Variants in ATXN7 observed in about 807,000 individuals in gnomAD.
ATXN7 encodes ataxin 7.
ATXN7 carries 12 observed loss-of-function variants against 70.5 expected under a neutral mutation model. That is an observed-to-expected ratio of 0.17 (90% CI 0.11 to 0.28). ATXN7 has a LOEUF of 0.28. Ranked by LOEUF, ATXN7 falls within the 10% of genes least tolerant of loss-of-function variation. The probability of loss-of-function intolerance (pLI) is 1.00; values close to 1 mark genes in which losing one functional copy is unlikely to be tolerated. For synonymous variants in ATXN7, 498 were observed against 448.7 expected (o/e 1.11, Z -1.39); for missense variants, 1,256 against 1,131.7 (o/e 1.11, Z -1.58).
chr3:63,966,127 TA>T (rs752254322), intron 5 of ATXN7, among the ~76,000 whole-genome samples: 2 of 152,142 alleles, frequency 1.3e-5, no homozygotes, highest in African/African-American at 2.4e-5. Flanking sequence ...AATCACTGTG[TA>T]CGAAAGGGAA....
At chr3:63,900,678 C>G (rs140808816) in intron 2 of ATXN7, 6 of 152,396 alleles carry the variant, frequency 3.9e-5, no homozygotes, top group Middle Eastern at 6.8e-3. Context: ...CTCTTTAGTG[C>G]CTGTTTATGG....
At position 63,886,476 on chromosome 3, in the gene ATXN7, A is replaced by G. The variant is rs144076721; in HGVS notation, c.-110-11923A>G. On this transcript the variant is annotated intron_variant, in intron 1 of 12. Transcript: ENST00000674280. Reference sequence around the variant, plus strand: ...AATTATTTTATAATATATACATAAAAGATCATATTTACACTGTACAATTTT... The same window carrying G: ...AATTATTTTATAATATATACATAAAGGATCATATTTACACTGTACAATTTT... Among the ~76,000 whole-genome samples, 109 of 152,350 alleles carry G rather than the reference A, an allele frequency of 7.2e-4. No individual in the cohort carries two copies. In the East Asian group the frequency reaches 0.018, roughly 25 times the overall value.
Position 63,995,609 on chromosome 3 carries a change from C to T in ATXN7, c.1787C>T (p.Ala596Val). 2 of 1,614,224 alleles carry T rather than the reference C, an allele frequency of 1.2e-6. No individual in the cohort carries two copies. The highest frequency in any genetic ancestry group is 1.1e-5 in the South Asian group (1 of 91,082). ...CAATGTGGAGTCAGCTATCTGGCAGCAGCCACCGTCTCTACATCCCCAGTC... is the reference window on the plus strand; with the variant it reads ...CAATGTGGAGTCAGCTATCTGGCAGTAGCCACCGTCTCTACATCCCCAGTC... Reference protein sequence around the residue: ...TSQCGVSYLAAATVSTSPVLL... With the variant: ...TSQCGVSYLAVATVSTSPVLL... The change falls in exon 12 of 13, where the codon GCA becomes GTA. Residue 596 changes from alanine (A) to valine (V), a missense_variant. Ala to Val is a moderately conservative substitution (Grantham distance 64). Transcript: ENST00000674280.
intron 4 of ATXN7, among the ~76,000 whole-genome samples, chr3:63,928,022 G>A (rs1704783830): frequency 6.6e-6 from 1 of 152,142 alleles, no homozygotes; most frequent in South Asian, 2.1e-4. Context: ...CATTGTGGTT[G>A]TAGTTACGCT....
At chr3:63,920,588 AT>A (rs537299196) in intron 4 of ATXN7, among the ~76,000 whole-genome samples, 1 of 152,002 alleles carries the variant, frequency 6.6e-6, no homozygotes, top group Admixed American at 6.6e-5. Flanking sequence ...ACCAAAAGCC[AT>A]TTTTTTTAAG....
rs188374703 is a variant in ATXN7 at position 63,896,028 on chromosome 3, G to A, written c.-110-2371G>A. On this transcript the variant is annotated intron_variant, in intron 1 of 12. Transcript: ENST00000674280. ...TAAGAAGAACACATTGACTGTCTCAGTTTGTGTCGTGTGTCCAGCTTTGAC... is the reference window on the plus strand; with the variant it reads ...TAAGAAGAACACATTGACTGTCTCAATTTGTGTCGTGTGTCCAGCTTTGAC... 1.1e-4 allele frequency among the ~76,000 whole-genome samples: 17 copies of A among 152,186 alleles called. No individual in the cohort carries two copies. The East Asian group carries it at 3.3e-3, about 29-fold the overall frequency.
In ATXN7 at chr3:64,003,205, C is replaced by CTTTTTTTTTTTTT. The variant is rs754267860; in HGVS notation, c.*3750_*3762dup. The CTTTTTTTTTTTTT allele has an allele frequency of 1.9e-4, 14 of 75,528 alleles. No homozygotes were observed. The highest frequency in any genetic ancestry group is 8.6e-4 in the East Asian group (2 of 2,322). The allele number at this position is 75,528 out of a possible 1,614,324, so 4.7% of individuals were successfully genotyped here. A position where few individuals can be genotyped will look rare whatever the true frequency, so the allele number is the denominator to read the frequency against. On this transcript the variant is annotated 3_prime_UTR_variant, in exon 13 of 13. Transcript: ENST00000674280. Reference sequence around the variant, plus strand: ...AATGTAGGGCCTTGAAAGCATTTTGCTTTTTTTTTTTTTTTTTTTTTTTTG... The same window carrying CTTTTTTTTTTTTT: ...AATGTAGGGCCTTGAAAGCATTTTGCTTTTTTTTTTTTTTTTTTTTTTTTTTTTTTTTTTTTTG...
chr3:63,932,314 A>G (rs1172588205), intron 4 of ATXN7, among the ~76,000 whole-genome samples: 1 of 152,260 alleles, frequency 6.6e-6, no homozygotes, highest in Non-Finnish European at 1.5e-5. Flanking sequence ...GTTAAGAGTC[A>G]GAAGTAGGCC....
At position 63,999,362 on chromosome 3, in the gene ATXN7, G is replaced by A; in HGVS notation, c.2662-88G>A. Reference sequence around the variant, plus strand: ...GAGACTTTAGTAGCGTGCAGCCTTTGGAATATTCTTGTTTAGAATCAATAG... The same window carrying A: ...GAGACTTTAGTAGCGTGCAGCCTTTAGAATATTCTTGTTTAGAATCAATAG... On this transcript the variant is annotated intron_variant, in intron 12 of 12. Transcript: ENST00000674280. The A allele has an allele frequency of 1.8e-6, 2 of 1,105,442 alleles. 1 individual carries two copies. The highest frequency in any genetic ancestry group is 2.6e-5 in the South Asian group (2 of 78,094). The allele number at this position is 1,105,442 out of a possible 1,614,324, so 68.5% of individuals were successfully genotyped here. A position where few individuals can be genotyped will look rare whatever the true frequency, so the allele number is the denominator to read the frequency against.
intron 4 of ATXN7, among the ~76,000 whole-genome samples, chr3:63,914,196 T>C (rs1704170690): frequency 1.3e-5 from 2 of 152,234 alleles, no homozygotes; most frequent in African/African-American, 4.8e-5. Flanking sequence ...GGTAGAACTT[T>C]GGCAACTGGA....
intron 4 of ATXN7, among the ~76,000 whole-genome samples, chr3:63,914,559 A>G (rs780528111): frequency 7.2e-5 from 11 of 152,184 alleles, no homozygotes; most frequent in Non-Finnish European, 1.6e-4. Context: ...AATTAAAATC[A>G]CTAGGTGGCA....
chr3:63,876,622 A>G (rs2062140610), intron 1 of ATXN7, among the ~76,000 whole-genome samples: 1 of 152,206 alleles, frequency 6.6e-6, no homozygotes, highest in Admixed American at 6.5e-5. Flanking sequence ...TCAGTACTAT[A>G]AATGGCACTA....
At chr3:63,867,543 G>A (rs1431112605) in intron 1 of ATXN7, among the ~76,000 whole-genome samples, 2 of 152,162 alleles carry the variant, frequency 1.3e-5, no homozygotes, top group Non-Finnish European at 2.9e-5. Context: ...AAGTAGATCT[G>A]TGTGCTCGTT....
In ATXN7 at chr3:63,997,901, G is replaced by C. The variant is rs143124299; in HGVS notation, c.2661+1418G>C. The C allele has an allele frequency of 3.0e-5, 30 of 985,390 alleles. No homozygotes were observed. In the East Asian group the frequency reaches 3.3e-3, roughly 108 times the overall value. The allele number at this position is 985,390 out of a possible 1,614,324, so 61.0% of individuals were successfully genotyped here. ...GAATTTAACTAGCTGCATGCATTAT[G>C]GGTTATTATATGTTGTTTGGCATTC... On this transcript the variant is annotated intron_variant, in intron 12 of 12. Transcript: ENST00000674280.
At position 63,870,187 on chromosome 3, in the gene ATXN7, G is replaced by C. The variant is rs912141422; in HGVS notation, c.-111+6029G>C. Among the ~76,000 whole-genome samples, 10 of 152,268 alleles carry C rather than the reference G, an allele frequency of 6.6e-5. 1 individual carries two copies. The South Asian group carries it at 1.9e-3, about 28-fold the overall frequency. Reference sequence around the variant, plus strand: ...TGACTGTGTTCCAAGAAATGTTGATGAACACTGACATTTGAATTTCATGCA... The same window carrying C: ...TGACTGTGTTCCAAGAAATGTTGATCAACACTGACATTTGAATTTCATGCA... On this transcript the variant is annotated intron_variant, in intron 1 of 12. Coordinates refer to ENST00000674280, the MANE Select transcript of ATXN7 (RefSeq NM_001377405.1).
In ATXN7 at chr3:63,912,759, C is replaced by T; in HGVS notation, c.161C>T (p.Pro54Leu). 2 of 1,333,550 alleles carry T rather than the reference C, an allele frequency of 1.5e-6. No homozygotes were observed. Among genetic ancestry groups the T allele is most frequent in the Middle Eastern group, 2.3e-4 (1 of 4,274 alleles). 82.6% of individuals were successfully genotyped at this position (1,333,550 alleles called of 1,614,324 possible). ...QPQRQQHPPP[P>L]PRRTRPEDGG... ...CAGCGGCAGCAGCACCCGCCACCGC[C>T]GCCACGGCGCACACGGCCGGAGGAC... The change falls in exon 3 of 13, where the codon CCG becomes CTG. Residue 54 changes from proline to leucine, a missense_variant. By Grantham distance (98) the Pro-to-Leu change is moderately conservative. Coordinates refer to ENST00000674280, the MANE Select transcript of ATXN7 (RefSeq NM_001377405.1).
intron 1 of ATXN7, among the ~76,000 whole-genome samples, chr3:63,868,664 C>T (rs1174882096): frequency 6.6e-6 from 1 of 151,870 alleles, no homozygotes; most frequent in African/African-American, 2.4e-5. Flanking sequence ...GACATGGATG[C>T]TGCTGGGCAG....
intron 4 of ATXN7, among the ~76,000 whole-genome samples, chr3:63,934,788 G>A (rs1374119540): frequency 4.6e-5 from 7 of 152,172 alleles, no homozygotes; most frequent in South Asian, 2.1e-4. Context: ...GGGCTCTTAC[G>A]AGAATGCTTT....
At chr3:63,940,285 TCACACACACACACACACACA>T (rs34660611) in intron 4 of ATXN7, among the ~76,000 whole-genome samples, 8 of 141,442 alleles carry the variant, frequency 5.7e-5, no homozygotes, top group South Asian at 2.3e-4. Flanking sequence ...CCATGCCCCA[TCACACACACACACACACACA>T]CACACACACA....
Sources: gnomAD v4.1 joint callset for allele counts (sites outside exome capture counted in the v4.1 genomes callset) on GRCh38, gnomAD v4.1.1 for gene constraint, MANE v1.5 for transcripts, NCBI Gene and HGNC (gene_info 2026-07-23, HGNC 2026-07-21) for gene names.